Variants in SSC5D observed in about 807,000 individuals in gnomAD.
SSC5D encodes scavenger receptor cysteine rich family member with 5 domains, also known as soluble scavenger receptor cysteine-rich domain-containing protein SSC5D.
A neutral mutation model predicts 104.6 loss-of-function variants in SSC5D; 106 were observed. That is an observed-to-expected ratio of 1.01 (90% confidence interval 0.87 to 1.19). The LOEUF (loss-of-function observed/expected upper bound fraction) is 1.19. Among genes scored for constraint, SSC5D ranks in the 50% most tolerant of loss-of-function variants. The probability of loss-of-function intolerance (pLI) is 0.00; values close to 1 mark genes in which losing one functional copy is unlikely to be tolerated. For missense variants in SSC5D, 1,993 were observed against 2,153.8 expected (o/e 0.93, Z 1.48); for synonymous variants, 860 against 883.5 (o/e 0.97, Z 0.47).
In SSC5D at chr19:55,489,623, A is replaced by T. The variant is rs1277990399; in HGVS notation, c.322A>T (p.Ile108Phe). ...CCACCACCGGGGCTGGAAGGCCCAC[A>T]TCTGCTCCCACGAGGAGGACGCGGG... is the stretch of plus-strand genomic sequence containing the variant. ...LCHHRGWKAH[I>F]CSHEEDAGVV... Residue 108 changes from isoleucine to phenylalanine, a missense_variant, in exon 3 of 14, where the codon ATC (isoleucine) becomes TTC (phenylalanine). By Grantham distance (21) the Ile-to-Phe change is conservative. Around this residue, in one of 6 missense-constraint regions of SSC5D, gnomAD observed 1,101 missense variants for 1,085.0 expected, o/e 1.01. Coordinates refer to ENST00000389623, the MANE Select transcript of SSC5D (RefSeq NM_001144950.2). The T allele has an allele frequency of 1.3e-6, 2 of 1,533,342 alleles. No homozygotes were observed. The highest frequency in any genetic ancestry group is 1.7e-6 in the Non-Finnish European group (2 of 1,145,440). The allele number at this position is 1,533,342 out of a possible 1,614,324, so 95.0% of individuals were successfully genotyped here.
At position 55,518,608 on chromosome 19, in the gene SSC5D, C is replaced by A; in HGVS notation, c.4332C>A (p.Pro1444=). ...TGTCCCCTGACCCCCTCCTTTCCCC[C>A]ACAGCCCACCCCTTGGATCATCCTC... is the stretch of plus-strand genomic sequence containing the variant. ...LTVSPDPLLS[P]TAHPLDHPPL... Residue 1444 remains proline, a synonymous_variant, in exon 14 of 14, where the codon CCC becomes CCA. Coordinates refer to ENST00000389623, the MANE Select transcript of SSC5D (RefSeq NM_001144950.2). 1 of 1,530,498 alleles carries A rather than the reference C, an allele frequency of 6.5e-7. No individual in the cohort carries two copies. The highest frequency in any genetic ancestry group is 1.2e-5 in the South Asian group (1 of 80,498). The allele number at this position is 1,530,498 out of a possible 1,614,324, so 94.8% of individuals were successfully genotyped here.
intron 4 of SSC5D, 51 bp from the exon 5 acceptor site, chr19:55,490,247 G>A (rs2123427545): frequency 2.9e-6 from 2 of 682,386 alleles, no homozygotes; most frequent in East Asian, 5.5e-5. Flanking sequence ...CCCCAGGTGG[G>A]AGGAAGGATG....
chr19:55,489,261 A>G, intron 2 of SSC5D, 93 bp from the exon 3 acceptor site: 1 of 1,329,042 alleles, frequency 7.5e-7, no homozygotes, highest in Non-Finnish European at 9.8e-7. Flanking sequence ...TACAGACAGT[A>G]CCTGCAGGAC....
In SSC5D at chr19:55,506,645, C is replaced by T. The variant is rs529999364; in HGVS notation, c.2785+5444C>T. On this transcript the variant is annotated intron_variant, in intron 12 of 13. Coordinates refer to ENST00000389623, the MANE Select transcript of SSC5D (RefSeq NM_001144950.2). Reference sequence around the variant, plus strand: ...TCCTGACCTCGTGATCTGCCTGCCTCGGCCTCCCAAAGTGCTGGGATTACA... The same window carrying T: ...TCCTGACCTCGTGATCTGCCTGCCTTGGCCTCCCAAAGTGCTGGGATTACA... 4.0e-3 allele frequency among the ~76,000 whole-genome samples: 612 copies of T among 151,894 alleles called. 3 individuals are homozygous for T. The highest frequency in any genetic ancestry group is 6.9e-3 in the Non-Finnish European group (471 of 67,940).
rs535849598 is a variant in SSC5D, at chr19:55,489,888, G to A, written c.368G>A (p.Arg123His). ...CCCTGCCCCCCCGCCGCAGGTCAGCGTGTGGCTAACTCCAGGGACGACTCA... is the reference window on the plus strand; with the variant it reads ...CCCTGCCCCCCCGCCGCAGGTCAGCATGTGGCTAACTCCAGGGACGACTCA... Reference protein sequence around the residue: ...EDAGVVCAGQRVANSRDDSTS... With the variant: ...EDAGVVCAGQHVANSRDDSTS... Residue 123 changes from arginine (R) to histidine (H), a missense_variant, in exon 4 of 14, where the codon CGT becomes CAT. Physicochemically the swap from Arg to His is conservative, Grantham distance 29. Around this residue, in one of 6 missense-constraint regions of SSC5D, gnomAD observed 1,101 missense variants for 1,085.0 expected, o/e 1.01. Transcript: ENST00000389623. 218 of 1,547,572 alleles carry A rather than the reference G, an allele frequency of 1.4e-4. No homozygotes were observed. Among genetic ancestry groups the A allele is most frequent in the East Asian group, 5.9e-4 (24 of 40,602 alleles).
Position 55,489,671 on chromosome 19 carries a change from AC to A in SSC5D, c.361+12del. 1 of 1,529,600 alleles carries A rather than the reference AC, an allele frequency of 6.5e-7. No homozygotes were observed. The highest frequency in any genetic ancestry group is 1.2e-5 in the South Asian group (1 of 83,212). 94.8% of individuals were successfully genotyped at this position (1,529,600 alleles called of 1,614,324 possible). A position where few individuals can be genotyped will look rare whatever the true frequency, so the allele number is the denominator to read the frequency against. ...GGGCGTCGTCTGCGCAGGTGAGGAC[AC>A]CCTGGCTGCTCCTTCAGGGGGAGCT... On this transcript the variant is annotated intron_variant, in intron 3 of 13. Coordinates refer to ENST00000389623, the MANE Select transcript of SSC5D (RefSeq NM_001144950.2).
At chr19:55,493,975 GT>G in intron 7 of SSC5D, 63 bp downstream of exon 7, 1 of 532,988 alleles carries the variant, frequency 1.9e-6, no homozygotes, top group South Asian at 2.2e-5. Flanking sequence ...GGAGGGGCAA[GT>G]TCGGCGGGGG....
Position 55,490,264 on chromosome 19 carries a change from T to G in SSC5D, c.476-34T>G, listed in dbSNP as rs954361361. 4.2e-6 allele frequency: 3 copies of G among 711,572 alleles called. No individual in the cohort carries two copies. In the Admixed American group the frequency reaches 6.7e-5, roughly 16 times the overall value. The allele number at this position is 711,572 out of a possible 1,614,324, so 44.1% of individuals were successfully genotyped here. ...CCAGGTGGGAGGAAGGATGAGGGGCTCAGCTCCTGACCCCTGGCTGTCTCC... is the reference window on the plus strand; with the variant it reads ...CCAGGTGGGAGGAAGGATGAGGGGCGCAGCTCCTGACCCCTGGCTGTCTCC... On this transcript the variant is annotated intron_variant, in intron 4 of 13. Transcript: ENST00000389623.
At chr19:55,514,406 AAATAATAAT>A (rs55837985) in intron 13 of SSC5D, among the ~76,000 whole-genome samples, 1,334 of 99,540 alleles carry the variant, frequency 0.013, 12 homozygotes, top group South Asian at 0.026. Context: ...CTCTGTCTCA[AAATAATAAT>A]AATAATAATA....
chr19:55,507,076 G>A (rs569119576), intron 12 of SSC5D, among the ~76,000 whole-genome samples: 42 of 152,104 alleles, frequency 2.8e-4, no homozygotes, highest in African/African-American at 9.9e-4. Context: ...GGCTGAGGCA[G>A]GAGAATCGCT....
chr19:55,497,927 C>T lies in SSC5D; in HGVS notation c.1435C>T (p.Arg479Ter), dbSNP rs1046470551. The T allele has an allele frequency of 3.2e-6, 5 of 1,550,234 alleles. No homozygotes were observed. The highest frequency in any genetic ancestry group is 1.4e-5 in the African/African-American group (1 of 73,006). Residue 479 changes from arginine to a stop codon, truncating the protein, a stop_gained, in exon 9 of 14, where the codon CGA (arginine) becomes TGA (stop). Transcript: ENST00000389623. LOFTEE classifies it high-confidence loss of function. ...GGCTGGGCCCAGCAAGTGCTCAGGTCGACTGGAGGTGTGGCATGACCAGCG... is the reference window on the plus strand; with the variant it reads ...GGCTGGGCCCAGCAAGTGCTCAGGTTGACTGGAGGTGTGGCATGACCAGCG... ...LVAGPSKCSGRLEVWHDQRWG... is the reference protein window; with the variant it reads ...LVAGPSKCSG
intron 12 of SSC5D, among the ~76,000 whole-genome samples, chr19:55,512,234 T>A (rs1987773437): frequency 6.6e-6 from 1 of 151,204 alleles, no homozygotes; most frequent in African/African-American, 2.4e-5. Flanking sequence ...AGAAAGCTGT[T>A]GTTTGTATAA....
chr19:55,497,874 C>T lies in SSC5D; in HGVS notation c.1388-6C>T. On this transcript the variant is annotated splice_polypyrimidine_tract_variant and splice_region_variant and intron_variant, in intron 8 of 13. Transcript: ENST00000389623. ...ACTCTAATTCTTTGGGTCTCTTCTA[C>T]CCCAGGGTCCCCCCAGCTGCGCCTG... 6.5e-7 allele frequency: 1 copy of T among 1,526,874 alleles called. No individual in the cohort carries two copies. Among genetic ancestry groups the T allele is most frequent in the South Asian group, 1.2e-5 (1 of 81,484 alleles). The allele number at this position is 1,526,874 out of a possible 1,614,324, so 94.6% of individuals were successfully genotyped here. A position where few individuals can be genotyped will look rare whatever the true frequency, so the allele number is the denominator to read the frequency against.
Position 55,517,224 on chromosome 19 carries a change from G to C in SSC5D, c.2948G>C (p.Gly983Ala). 6.5e-7 allele frequency: 1 copy of C among 1,536,702 alleles called. No homozygotes were observed. Among genetic ancestry groups the C allele is most frequent in the Non-Finnish European group, 8.7e-7 (1 of 1,145,862 alleles). ...CCGTCTGTCTTTCCTCCTCCTCCAG[G>C]TTCCCCGAGGAAACCGTGGCCCGAG... ...PPTLRVHGDT[G>A]SPRKPWPERR... The change falls in exon 14 of 14, where the codon GGT becomes GCT. Residue 983 changes from glycine to alanine, a missense_variant and splice_region_variant. By Grantham distance (60) the Gly-to-Ala change is moderately conservative. Coordinates refer to ENST00000389623, the MANE Select transcript of SSC5D (RefSeq NM_001144950.2).
chr19:55,510,980 T>C (rs1003689619), intron 12 of SSC5D, among the ~76,000 whole-genome samples: 1 of 152,072 alleles, frequency 6.6e-6, no homozygotes, highest in African/African-American at 2.4e-5. Context: ...GGTTTCACCA[T>C]GTTGGCCAGG....
At chr19:55,511,762 T>C (rs1250735154) in intron 12 of SSC5D, among the ~76,000 whole-genome samples, 1 of 151,986 alleles carries the variant, frequency 6.6e-6, no homozygotes, top group Admixed American at 6.6e-5. Context: ...AGGAAGATGG[T>C]GTCTGTGGGC....
At chr19:55,509,850 C>CAAAAAAAAAAAAAAAAAAAAAA (rs1250937223) in intron 12 of SSC5D, among the ~76,000 whole-genome samples, 4 of 75,974 alleles carry the variant, frequency 5.3e-5, no homozygotes, top group Admixed American at 1.5e-4. Flanking sequence ...AACTCTGTCT[C>CAAAAAAAAAAAAAAAAAAAAAA]AAAAAAAAAA....
At chr19:55,504,368 T>C (rs1281332041) in intron 12 of SSC5D, 6 of 1,360,034 alleles carry the variant, frequency 4.4e-6, no homozygotes, top group Non-Finnish European at 5.7e-6. Flanking sequence ...ACCTTATCAA[T>C]AGGAAGACTT....
At chr19:55,490,636 A>G in intron 5 of SSC5D, 136 bp from the exon 6 acceptor site, 3 of 1,055,050 alleles carry the variant, frequency 2.8e-6, no homozygotes, top group African/African-American at 1.6e-5. Context: ...TCGTGGACTC[A>G]CCTCTTCACG....
Sources: allele counts gnomAD v4.1 joint callset (sites outside exome capture counted in the v4.1 genomes callset), GRCh38; gene constraint gnomAD v4.1.1; regional missense constraint gnomAD v4.1.1; transcripts MANE v1.5; gene names NCBI Gene and HGNC (gene_info 2026-07-23, HGNC 2026-07-21).